RIMS2: variants seen among roughly 807,000 people sequenced by gnomAD.
The protein encoded by RIMS2 is regulating synaptic membrane exocytosis 2, also known as regulating synaptic membrane exocytosis protein 2.
In RIMS2, 59 loss-of-function variants were observed where a neutral mutation model predicts 174.4. The ratio of observed to expected loss-of-function variants is 0.34; its 90% CI spans 0.27 to 0.42. The LOEUF (loss-of-function observed/expected upper bound fraction) is 0.42, where lower values mean the gene tolerates loss of function less well. Among genes scored for constraint, RIMS2 ranks in the 10% least tolerant of loss-of-function variants. RIMS2 has a pLI of 1.00. For synonymous variants in RIMS2, 606 were observed against 572.5 expected (o/e 1.06, Z -0.84); for missense variants, 1,620 against 1,666.3 (o/e 0.97, Z 0.48).
chr8:103,877,640 A>C (rs1482038650), intron 3 of RIMS2, among the ~76,000 whole-genome samples: 1 of 151,892 alleles, frequency 6.6e-6, no homozygotes, highest in Non-Finnish European at 1.5e-5. Flanking sequence ...GTAGCCTTAT[A>C]GTTTAATTTG....
chr8:103,501,100 C>T (rs537224552), intron 1 of RIMS2, 38 bp downstream of exon 1: 5 of 1,473,978 alleles, frequency 3.4e-6, no homozygotes, highest in Middle Eastern at 2.3e-4. Context: ...TCTCTCCCTG[C>T]CCTCCGCCCC....
intron 1 of RIMS2, among the ~76,000 whole-genome samples, chr8:103,582,441 GGT>G (rs2093670468): frequency 6.6e-6 from 1 of 152,134 alleles, no homozygotes; most frequent in Admixed American, 6.5e-5. Flanking sequence ...TTGCACCTTA[GGT>G]GCCAACATAG....
chr8:103,529,211 A>G lies in RIMS2; in HGVS notation c.176+28149A>G, dbSNP rs556424484. 7.9e-5 allele frequency among the ~76,000 whole-genome samples: 12 copies of G among 151,312 alleles called. No homozygotes were observed. The East Asian group carries it at 2.3e-3, about 29-fold the overall frequency. ...TCTGTTTGTCTGTTATTGGTGTATA[A>G]GAATGCTTGTGATTTTTGCACATTG... On this transcript the variant is annotated intron_variant, in intron 1 of 23. Coordinates refer to ENST00000504942, the Ensembl canonical transcript of RIMS2.
intron 19 of RIMS2, among the ~76,000 whole-genome samples, chr8:104,204,517 C>T (rs1195024149): frequency 1.3e-5 from 2 of 151,722 alleles, no homozygotes; most frequent in Non-Finnish European, 2.9e-5. Flanking sequence ...TTTCTATGGA[C>T]AGTATTAATT....
intron 1 of RIMS2, among the ~76,000 whole-genome samples, chr8:103,661,364 A>G (rs1169915189): frequency 2.6e-5 from 4 of 152,000 alleles, no homozygotes; most frequent in East Asian, 1.9e-4. Context: ...TTTTTTTCCT[A>G]TGACTTTGGA....
At chr8:103,862,520 T>C (rs183588965) in intron 3 of RIMS2, among the ~76,000 whole-genome samples, 2 of 152,140 alleles carry the variant, frequency 1.3e-5, no homozygotes, top group African/African-American at 4.8e-5. Context: ...TATGTTGATA[T>C]TTTGATAAGA....
intron 3 of RIMS2, among the ~76,000 whole-genome samples, chr8:103,800,355 C>T (rs2098598292): frequency 6.6e-6 from 1 of 152,100 alleles, no homozygotes; most frequent in Non-Finnish European, 1.5e-5. Flanking sequence ...TGGCTAGTGC[C>T]TCCACTAAAA....
At chr8:104,160,939 T>C (rs2098757103) in intron 19 of RIMS2, among the ~76,000 whole-genome samples, 1 of 152,038 alleles carries the variant, frequency 6.6e-6, no homozygotes, top group Non-Finnish European at 1.5e-5. Context: ...GAAGAAAACA[T>C]AAATTTTAGA....
intron 17 of RIMS2, among the ~76,000 whole-genome samples, chr8:104,006,477 G>C (rs564762402): frequency 6.6e-6 from 1 of 152,238 alleles, no homozygotes; most frequent in East Asian, 1.9e-4. Flanking sequence ...TTGAACCTGG[G>C]AGGTGGAGGT....
At chr8:103,792,342 A>T (rs955129098) in intron 3 of RIMS2, among the ~76,000 whole-genome samples, 1 of 152,230 alleles carries the variant, frequency 6.6e-6, no homozygotes, top group African/African-American at 2.4e-5. Context: ...AACGAAATGA[A>T]GGCAGAAATA....
intron 1 of RIMS2, among the ~76,000 whole-genome samples, chr8:103,506,507 TTATTA>T (rs1028773201): frequency 6.6e-6 from 1 of 151,882 alleles, no homozygotes; most frequent in African/African-American, 2.4e-5. Context: ...ATTGTGATTG[TTATTA>T]TTAAACTCTG....
At position 103,528,018 on chromosome 8, in the gene RIMS2, G is replaced by C. The variant is rs554852734; in HGVS notation, c.176+26956G>C. 1.2e-4 allele frequency among the ~76,000 whole-genome samples: 18 copies of C among 152,310 alleles called. No homozygotes were observed. The East Asian group carries it at 3.5e-3, about 29-fold the overall frequency. On this transcript the variant is annotated intron_variant, in intron 1 of 23. Transcript: ENST00000504942. ...TTACAGTCCCACCAACAGTGTAAAA[G>C]TGTTTCTATTTCTCCACATCCTCTC...
chr8:104,043,993 T>C (rs1033358983), intron 19 of RIMS2, among the ~76,000 whole-genome samples: 4 of 151,624 alleles, frequency 2.6e-5, no homozygotes, highest in African/African-American at 9.7e-5. Flanking sequence ...GAGCAATTTA[T>C]ACCAAGAATG....
intron 2 of RIMS2, among the ~76,000 whole-genome samples, chr8:103,714,398 G>T (rs2097344418): frequency 6.6e-6 from 1 of 152,138 alleles, no homozygotes; most frequent in African/African-American, 2.4e-5. Context: ...AAGAAGACCA[G>T]CCTTGAGAGA....
chr8:103,530,690 C>T (rs958429186), intron 1 of RIMS2, among the ~76,000 whole-genome samples: 14 of 152,016 alleles, frequency 9.2e-5, no homozygotes, highest in Non-Finnish European at 2.1e-4. Flanking sequence ...AGTTTTACTT[C>T]ACCAGAATTT....
chr8:103,971,995 C>A (rs1242392313), intron 15 of RIMS2, among the ~76,000 whole-genome samples: 2 of 152,180 alleles, frequency 1.3e-5, no homozygotes, highest in Non-Finnish European at 2.9e-5. Flanking sequence ...GGCCTGAACT[C>A]TATTCTTGGA....
chr8:103,515,993 C>T (rs929692602), intron 1 of RIMS2, among the ~76,000 whole-genome samples: 2 of 152,000 alleles, frequency 1.3e-5, no homozygotes, highest in African/African-American at 2.4e-5. Flanking sequence ...CTCTCATGTG[C>T]CATCTATACA....
chr8:103,807,577 A>G (rs929988997), intron 3 of RIMS2, among the ~76,000 whole-genome samples: 1 of 152,296 alleles, frequency 6.6e-6, no homozygotes, highest in Middle Eastern at 3.4e-3. Context: ...AAGATAGGAA[A>G]TAATATAGTA....
intron 19 of RIMS2, among the ~76,000 whole-genome samples, chr8:104,196,860 A>C (rs1038935957): frequency 2.0e-5 from 3 of 152,218 alleles, no homozygotes; most frequent in Admixed American, 2.0e-4. Flanking sequence ...TTAAGTAGGC[A>C]TACTTTAAAA....
Sources: allele counts gnomAD v4.1 joint callset (sites outside exome capture counted in the v4.1 genomes callset), GRCh38; gene constraint gnomAD v4.1.1; transcripts MANE v1.5; gene names NCBI Gene and HGNC (gene_info 2026-07-23, HGNC 2026-07-21).